Variants in NBPF12 observed in about 807,000 individuals in gnomAD.
NBPF12 encodes NBPF family member NBPF12.
In NBPF12, 115 loss-of-function variants were observed where a neutral mutation model predicts 146.4. The ratio of observed to expected loss-of-function variants is 0.79; its 90% CI spans 0.68 to 0.92. The LOEUF (loss-of-function observed/expected upper bound fraction) is 0.92. NBPF12 is among the 40% of genes least tolerant of loss of function. NBPF12 has a pLI of 0.00. For synonymous variants in NBPF12, 385 were observed against 508.9 expected, an observed-to-expected ratio of 0.76 and a Z score of 3.28; for missense variants, 1,205 against 1,326.8, an observed-to-expected ratio of 0.91 and a Z score of 1.43.
At chr1:146,970,780 A>T in intron 12 of NBPF12, 61 bp downstream of exon 15, 2 of 1,249,022 alleles carry the variant, frequency 1.6e-6, no homozygotes, top group South Asian at 2.4e-5. Flanking sequence ...TCTAGGAGGC[A>T]TGCCCTCTCT....
chr1:146,971,603 T>A (rs1260593714), intron 13 of NBPF12, among the ~76,000 whole-genome samples: 21,219 of 142,142 alleles, frequency 0.15, 1,977 homozygotes, highest in Admixed American at 0.26. Context: ...CAGCCTGGAG[T>A]ATATGGTGAA....
intron 18 of NBPF12, among the ~76,000 whole-genome samples, chr1:146,978,641 T>C (rs1553887660): frequency 1.8e-4 from 28 of 151,760 alleles, no homozygotes; most frequent in Admixed American, 2.0e-4. Flanking sequence ...AAGTCCGTAT[T>C]GCAGCAACAT....
At chr1:146,977,220 C>T (rs1445440204) in intron 17 of NBPF12, among the ~76,000 whole-genome samples, 1 of 133,938 alleles carries the variant, frequency 7.5e-6, no homozygotes, top group African/African-American at 2.9e-5. Flanking sequence ...GCTGAGTCTT[C>T]ATCCTTCTCA....
exon 34 of NBPF12, chr1:146,995,338 A>G (rs1658478319): frequency 7.5e-6 from 1 of 132,886 alleles, no homozygotes; most frequent in African/African-American, 3.0e-5. Flanking sequence ...CCTGAGTTTC[A>G]TAGGAGGTAA....
exon 34 of NBPF12, chr1:146,994,628 A>G (rs61805295): frequency 1.9e-6 from 3 of 1,587,612 alleles, no homozygotes; most frequent in African/African-American, 2.8e-5. Context: ...ACCTATAGGC[A>G]CCTGAAGATT....
chr1:146,950,619 A>T (rs1328717189), intron 1 of NBPF12, among the ~76,000 whole-genome samples: 1 of 150,702 alleles, frequency 6.6e-6, no homozygotes, highest in African/African-American at 2.4e-5. Flanking sequence ...TTTTTCTCAC[A>T]CTCTTTTGCG....
At chr1:146,972,436 C>T (rs1366415212) in intron 13 of NBPF12, among the ~76,000 whole-genome samples, 1 of 151,272 alleles carries the variant, frequency 6.6e-6, no homozygotes, top group East Asian at 1.9e-4. Flanking sequence ...ATTAAAAAAG[C>T]AAAATGAAAT....
At chr1:146,946,417 A>G (rs1474574019), upstream of NBPF12, among the ~76,000 whole-genome samples, 2 of 149,384 alleles carry the variant, frequency 1.3e-5, no homozygotes, top group Admixed American at 1.3e-4. Context: ...TCGTTGTTTT[A>G]ATGTGCAATT....
intron 2 of NBPF12, among the ~76,000 whole-genome samples, chr1:146,954,083 ATGT>A (rs1434984998): frequency 0.011 from 1,612 of 148,026 alleles, 19 homozygotes; most frequent in African/African-American, 0.038. Context: ...ATCTAAATAC[ATGT>A]TGTGCTTATA....
chr1:146,964,283 C>T, intron 6 of NBPF12, 74 bp from the exon 10 acceptor site: 4 of 1,586,278 alleles, frequency 2.5e-6, no homozygotes, highest in Non-Finnish European at 2.6e-6. Context: ...GTTCATGTCT[C>T]TGTGCACGTT....
intron 13 of NBPF12, 70 bp from the exon 17 acceptor site, chr1:146,972,681 C>G: frequency 8.1e-7 from 1 of 1,230,916 alleles, no homozygotes; most frequent in Middle Eastern, 2.7e-4. Context: ...TGACATCCCT[C>G]AGTCCTGATT....
At chr1:146,978,060 T>C (rs1205616604) in intron 18 of NBPF12, among the ~76,000 whole-genome samples, 5 of 151,708 alleles carry the variant, frequency 3.3e-5, no homozygotes, top group East Asian at 3.9e-4. Flanking sequence ...TTGGAAACAT[T>C]GTTCCCCAGG....
chr1:146,984,135 A>G lies in NBPF12; in HGVS notation c.2616A>G (p.Arg872=). The G allele has an allele frequency of 3.4e-6, 3 of 894,776 alleles. 1 individual carries two copies. The South Asian group carries it at 4.3e-5, about 13-fold the overall frequency. 55.4% of individuals were successfully genotyped at this position (894,776 alleles called of 1,614,324 possible). Reference sequence around the variant, plus strand: ...GGCCCCATCTGAATTTATTTGCAGGACATCGGTGGGATCAAGTGAAAAAGG... The same window carrying G: ...GGCCCCATCTGAATTTATTTGCAGGGCATCGGTGGGATCAAGTGAAAAAGG... The change falls in exon 21 of 34, where the codon AGA becomes AGG. Residue 872 remains arginine, a splice_region_variant and synonymous_variant. Transcript: ENST00000617844.
At chr1:146,949,130 A>G (rs1205151673), upstream of NBPF12, among the ~76,000 whole-genome samples, 1 of 151,244 alleles carries the variant, frequency 6.6e-6, no homozygotes. Flanking sequence ...CTCAGAGGCC[A>G]GTGCCGGCAT....
In NBPF12 at chr1:146,992,462, C is replaced by CTGTG. The variant is rs1163182082; in HGVS notation, c.3849-202_3849-199dup. ...TCTCTCTCTCTCTCTCTCTCTCTCT[C>CTGTG]TGTGTGTGTGTGTGTGTGTGTGTGT... On this transcript the variant is annotated intron_variant, in intron 31 of 33. Coordinates refer to ENST00000617844, the Ensembl canonical transcript of NBPF12. 7.2e-3 allele frequency among the ~76,000 whole-genome samples: 479 copies of CTGTG among 66,248 alleles called. 17 individuals carry two copies. Among genetic ancestry groups the CTGTG allele is most frequent in the Non-Finnish European group, 0.01 (366 of 36,136 alleles). The allele number at this position is 66,248 out of a possible 152,430, so 43.5% of individuals were successfully genotyped here.
At chr1:146,954,379 G>T (rs1433064986) in intron 2 of NBPF12, among the ~76,000 whole-genome samples, 1 of 63,808 alleles carries the variant, frequency 1.6e-5, no homozygotes, top group Admixed American at 2.5e-4. Context: ...AACAGAGCAA[G>T]ACTCTGTCTC....
chr1:146,962,142 G>T lies in NBPF12; in HGVS notation c.176-19G>T, dbSNP rs1467799055. 1 of 1,607,532 alleles carries T rather than the reference G, an allele frequency of 6.2e-7. No homozygotes were observed. The highest frequency in any genetic ancestry group is 1.3e-5 in the African/African-American group (1 of 74,632). On this transcript the variant is annotated intron_variant, in intron 4 of 33. Transcript: ENST00000617844. ...TGTCCAGCCTTCCACTGAGGCAGGCGTGTCTGTCTTTTTCTCAGAGTATGA... is the reference window on the plus strand; with the variant it reads ...TGTCCAGCCTTCCACTGAGGCAGGCTTGTCTGTCTTTTTCTCAGAGTATGA...
chr1:146,951,644 T>C (rs1655327940), intron 2 of NBPF12, among the ~76,000 whole-genome samples, 155 bp downstream of exon 5: 2 of 150,454 alleles, frequency 1.3e-5, no homozygotes, highest in South Asian at 4.2e-4. Flanking sequence ...TGTTCAACAA[T>C]TTTCTAAACA....
At chr1:146,971,106 A>T in intron 12 of NBPF12, 77 bp from the exon 16 acceptor site, 1 of 1,605,196 alleles carries the variant, frequency 6.2e-7, no homozygotes, top group Non-Finnish European at 8.5e-7. Flanking sequence ...CCGCTTGTCA[A>T]AACCAGCTAG....
Sources: gnomAD v4.1 joint callset for allele counts (sites outside exome capture counted in the v4.1 genomes callset) on GRCh38, gnomAD v4.1.1 for gene constraint, MANE v1.5 for transcripts, NCBI Gene and HGNC (gene_info 2026-07-23, HGNC 2026-07-21) for gene names.